The following SNTG1 variants were observed in gnomAD, a reference collection of about 807,000 sequenced individuals.
SNTG1 encodes syntrophin gamma 1.
Under a neutral mutation model 74.7 loss-of-function variants are expected in SNTG1, and 39 were observed. The ratio of observed to expected loss-of-function variants is 0.52; its 90% CI spans 0.40 to 0.68. The LOEUF is 0.68. Ranked by LOEUF, SNTG1 falls within the 30% of genes least tolerant of loss-of-function variation. The pLI is 0.00. For synonymous variants in SNTG1, 254 were observed against 217.1 expected, an observed-to-expected ratio of 1.17 and a Z score of -1.49; for missense variants, 685 against 609.5, an observed-to-expected ratio of 1.12 and a Z score of -1.30.
At chr8:50,780,604 A>G (rs547079199) in intron 18 of SNTG1, among the ~76,000 whole-genome samples, 1 of 151,832 alleles carries the variant, frequency 6.6e-6, no homozygotes, top group African/African-American at 2.4e-5. Flanking sequence ...TTTCTTCTTT[A>G]TTAGCCTTGC....
chr8:50,546,180 C>T (rs1307760139), intron 11 of SNTG1, among the ~76,000 whole-genome samples: 1 of 151,736 alleles, frequency 6.6e-6, no homozygotes, highest in Non-Finnish European at 1.5e-5. Context: ...AACTGAGGAG[C>T]AGTGATTAAT....
intron 1 of SNTG1, among the ~76,000 whole-genome samples, chr8:49,938,572 C>CTTTTCTTTTG (rs1808317647): frequency 3.6e-5 from 1 of 27,418 alleles, no homozygotes; most frequent in Non-Finnish European, 7.9e-5. Flanking sequence ...CTTTTCTTTT[C>CTTTTCTTTTG]TTTTCTTTTC....
intron 13 of SNTG1, among the ~76,000 whole-genome samples, chr8:50,653,112 T>TTTTATTTA (rs527490993): frequency 4.0e-5 from 6 of 151,866 alleles, no homozygotes; most frequent in Non-Finnish European, 7.4e-5. Context: ...TTTGTTTTTA[T>TTTTATTTA]TTTATTTATT....
At chr8:50,737,292 T>C (rs1380207918) in intron 17 of SNTG1, among the ~76,000 whole-genome samples, 1 of 152,078 alleles carries the variant, frequency 6.6e-6, no homozygotes, top group East Asian at 1.9e-4. Flanking sequence ...TCTATTCAAA[T>C]AAACCAGAAA....
rs188139629 is a variant in SNTG1 at position 50,784,872 on chromosome 8, G to A, written c.1396-7799G>A. On this transcript the variant is annotated intron_variant, in intron 18 of 18. Coordinates refer to ENST00000642720, the MANE Select transcript of SNTG1 (RefSeq NM_018967.5). ...CAAATTATGTTCTATGAACACAATG[G>A]AATAAAATTAGAAATGAATAACAAA... Among the ~76,000 whole-genome samples, 462 of 151,988 alleles carry A rather than the reference G, an allele frequency of 3.0e-3. 2 individuals are homozygous for A. Among genetic ancestry groups the A allele is most frequent in the Non-Finnish European group, 3.2e-3 (215 of 67,940 alleles).
intron 8 of SNTG1, among the ~76,000 whole-genome samples, chr8:50,502,131 TAAC>T (rs2093964851): frequency 6.6e-6 from 1 of 152,166 alleles, no homozygotes; most frequent in Non-Finnish European, 1.5e-5. Context: ...TTATTGATAA[TAAC>T]AGACTTCAAC....
chr8:50,577,506 G>T (rs1391487282), intron 12 of SNTG1, among the ~76,000 whole-genome samples: 2 of 149,622 alleles, frequency 1.3e-5, no homozygotes, highest in African/African-American at 4.9e-5. Context: ...TGGTATCAGA[G>T]TGATAATGGC....
intron 2 of SNTG1, among the ~76,000 whole-genome samples, chr8:50,279,034 C>T (rs762050988): frequency 1.1e-4 from 16 of 152,028 alleles, no homozygotes; most frequent in Non-Finnish European, 1.5e-4. Context: ...GTACAAGATA[C>T]GAGAGTATGC....
chr8:50,021,202 A>AT (rs1816784266), intron 1 of SNTG1, among the ~76,000 whole-genome samples: 1 of 152,132 alleles, frequency 6.6e-6, no homozygotes, highest in Admixed American at 6.5e-5. Flanking sequence ...TCCAGAGTTG[A>AT]TTTTCAAATG....
intron 1 of SNTG1, among the ~76,000 whole-genome samples, chr8:50,084,344 C>T (rs1186386330): frequency 6.6e-6 from 1 of 152,060 alleles, no homozygotes; most frequent in Non-Finnish European, 1.5e-5. Context: ...ACCTGTAGTC[C>T]CAGCTACTGG....
At chr8:50,106,694 A>C (rs1282818232) in intron 1 of SNTG1, among the ~76,000 whole-genome samples, 4 of 152,064 alleles carry the variant, frequency 2.6e-5, no homozygotes, top group African/African-American at 7.2e-5. Flanking sequence ...AGTTTTCTTT[A>C]TGTGATATGA....
At chr8:50,306,969 T>C (rs2089925341) in intron 2 of SNTG1, among the ~76,000 whole-genome samples, 1 of 152,054 alleles carries the variant, frequency 6.6e-6, no homozygotes, top group Admixed American at 6.6e-5. Flanking sequence ...ACATAAGGGA[T>C]ATTTACAGTA....
chr8:50,669,663 AAG>A (rs1242044664), intron 15 of SNTG1, among the ~76,000 whole-genome samples: 5 of 152,186 alleles, frequency 3.3e-5, no homozygotes, highest in African/African-American at 1.2e-4. Context: ...TCAATAGAAA[AAG>A]AGGGAATCCT....
At chr8:50,721,465 TAAG>T (rs1432091547) in intron 17 of SNTG1, among the ~76,000 whole-genome samples, 3 of 152,190 alleles carry the variant, frequency 2.0e-5, no homozygotes, top group South Asian at 2.1e-4. Flanking sequence ...AGCATTATTA[TAAG>T]AAGAAGTGAT....
At chr8:50,207,405 G>C (rs1244942571) in intron 2 of SNTG1, among the ~76,000 whole-genome samples, 1 of 152,110 alleles carries the variant, frequency 6.6e-6, no homozygotes, top group Non-Finnish European at 1.5e-5. Context: ...TGGGATTGGA[G>C]GGGATATCCC....
At chr8:49,952,358 AG>A (rs1228986652) in intron 1 of SNTG1, among the ~76,000 whole-genome samples, 4 of 152,296 alleles carry the variant, frequency 2.6e-5, no homozygotes, top group African/African-American at 9.6e-5. Context: ...CCTCCCTCTA[AG>A]GGTGAGAACC....
In SNTG1 at chr8:50,541,243, CTGTG is replaced by C. The variant is rs200129335; in HGVS notation, c.680+4466_680+4469del. Among the ~76,000 whole-genome samples, 493 of 143,038 alleles carry C rather than the reference CTGTG, an allele frequency of 3.4e-3. 3 individuals carry two copies. Among genetic ancestry groups the C allele is most frequent in the South Asian group, 5.1e-3 (23 of 4,476 alleles). 93.8% of individuals were successfully genotyped at this position (143,038 alleles called of 152,430 possible). A position where few individuals can be genotyped will look rare whatever the true frequency, so the allele number is the denominator to read the frequency against. On this transcript the variant is annotated intron_variant, in intron 11 of 18. Transcript: ENST00000642720. ...ACAAAATTCACCACTAAGATTTTAC[CTGTG>C]TGTGTGTGTGTGTGTGTGTGTGTGT...
chr8:50,676,152 C>T (rs1020126823), intron 15 of SNTG1, among the ~76,000 whole-genome samples: 11 of 151,888 alleles, frequency 7.2e-5, no homozygotes, highest in African/African-American at 2.4e-4. Context: ...TTGTTCTCTG[C>T]ATTTCCTGAA....
intron 16 of SNTG1, among the ~76,000 whole-genome samples, chr8:50,707,622 C>T (rs1010020968): frequency 2.0e-5 from 3 of 152,116 alleles, no homozygotes; most frequent in East Asian, 1.9e-4. Flanking sequence ...GTTTTATACA[C>T]AGTACTATAA....
Sources: allele counts gnomAD v4.1 joint callset (sites outside exome capture counted in the v4.1 genomes callset), GRCh38; gene constraint gnomAD v4.1.1; transcripts MANE v1.5; gene names NCBI Gene and HGNC (gene_info 2026-07-23, HGNC 2026-07-21).